The following PTPDC1 variants were observed in gnomAD, a reference collection of about 807,000 sequenced individuals.
PTPDC1 encodes the protein protein tyrosine phosphatase domain containing 1.
Under a neutral mutation model 75.3 loss-of-function variants are expected in PTPDC1, and 53 were observed. The observed-to-expected ratio is 0.70, with a 90% CI of 0.56 to 0.88. The LOEUF (loss-of-function observed/expected upper bound fraction) is 0.88, where lower values mean the gene tolerates loss of function less well. Ranked by LOEUF, PTPDC1 falls within the 40% of genes least tolerant of loss-of-function variation. The pLI, the probability that PTPDC1 is intolerant of heterozygous loss-of-function variation, is 0.00. For missense variants in PTPDC1, 925 were observed against 998.6 expected (o/e 0.93, Z 0.99); for synonymous variants, 349 against 366.2 (o/e 0.95, Z 0.54).
chr9:94,097,847 G>A lies in PTPDC1; in HGVS notation c.1281G>A (p.Trp427Ter), dbSNP rs769481063. The change falls in exon 6 of 9, where the codon TGG becomes TGA. Residue 427 changes from tryptophan to a stop codon, truncating the protein, a stop_gained. Coordinates refer to ENST00000620992, the MANE Select transcript of PTPDC1 (RefSeq NM_001253829.2). LOFTEE classifies it high-confidence loss of function. The part of the protein sequence containing the change: ...FSNEQQFDPL[W>*]KRRNVECLQP... ...ATGAGCAACAGTTTGACCCTCTTTG[G>A]AAAAGGCGGAATGTTGAGTGCCTTC... is the stretch of plus-strand genomic sequence containing the variant. The A allele has an allele frequency of 6.2e-7, 1 of 1,614,168 alleles. No homozygotes were observed. Among genetic ancestry groups the A allele is most frequent in the Admixed American group, 1.7e-5 (1 of 60,024 alleles).
chr9:94,088,200 G>A lies in PTPDC1; in HGVS notation c.553G>A (p.Gly185Arg). Residue 185 changes from glycine (G) to arginine (R), a missense_variant, in exon 4 of 9, where the codon GGG (glycine) becomes AGG (arginine). Physicochemically the swap from Gly to Arg is moderately radical, Grantham distance 125. Transcript: ENST00000620992. The stretch of plus-strand genomic sequence containing the variant: ...GCGCCCTGGTGAGCATGCTAGCTGT[G>A]GGAACCCTCTGGAACAAGAAAGTGG... ...LQRPGEHASCGNPLEQESGFT... is the reference protein window; with the variant it reads ...LQRPGEHASCRNPLEQESGFT... 6.2e-7 allele frequency: 1 copy of A among 1,613,914 alleles called. No individual in the cohort carries two copies. The highest frequency in any genetic ancestry group is 8.5e-7 in the Non-Finnish European group (1 of 1,179,944).
At chr9:94,093,490 C>T (rs1202198871) in intron 4 of PTPDC1, among the ~76,000 whole-genome samples, 5 of 146,724 alleles carry the variant, frequency 3.4e-5, no homozygotes, top group African/African-American at 5.1e-5. Flanking sequence ...GAGGGTAACC[C>T]GACCTTTCTC....
At chr9:94,063,159 C>T (rs569700106) in intron 1 of PTPDC1, among the ~76,000 whole-genome samples, 9 of 152,318 alleles carry the variant, frequency 5.9e-5, no homozygotes, top group Middle Eastern at 3.4e-3. Flanking sequence ...TCATGTGGGA[C>T]AAGGCAGGAC....
intron 1 of PTPDC1, among the ~76,000 whole-genome samples, chr9:94,035,794 A>G (rs1174659748): frequency 6.6e-6 from 1 of 152,172 alleles, no homozygotes; most frequent in Non-Finnish European, 1.5e-5. Context: ...ATACCCACCA[A>G]CAGGACACAA....
At chr9:94,103,042 A>G (rs1827901114) in intron 7 of PTPDC1, among the ~76,000 whole-genome samples, 1 of 151,844 alleles carries the variant, frequency 6.6e-6, no homozygotes, top group African/African-American at 2.4e-5. Context: ...ACGGATGCAC[A>G]TGCAGACATG....
intron 2 of PTPDC1, among the ~76,000 whole-genome samples, chr9:94,076,702 A>G (rs1587875459): frequency 6.6e-6 from 1 of 152,280 alleles, no homozygotes; most frequent in African/African-American, 2.4e-5. Flanking sequence ...TTTACCTAGG[A>G]GGAAAGAACT....
intron 4 of PTPDC1, among the ~76,000 whole-genome samples, chr9:94,090,351 G>T (rs1160312201): frequency 2.7e-5 from 4 of 148,704 alleles, no homozygotes; most frequent in African/African-American, 7.5e-5. Context: ...TTTCCCCATT[G>T]CTTGTTTTTG....
chr9:94,048,544 T>G (rs1438136006), intron 1 of PTPDC1, among the ~76,000 whole-genome samples: 34 of 152,234 alleles, frequency 2.2e-4, no homozygotes, highest in Middle Eastern at 3.4e-3. Flanking sequence ...CTGAGTTCTA[T>G]TTTGATTGCA....
intron 1 of PTPDC1, among the ~76,000 whole-genome samples, chr9:94,048,125 A>G (rs1054213375): frequency 6.6e-6 from 1 of 152,164 alleles, no homozygotes; most frequent in African/African-American, 2.4e-5. Flanking sequence ...CTAGCGGTCT[A>G]TCAATTTTGT....
chr9:94,077,711 A>ATGATTGAC (rs1350653585), intron 2 of PTPDC1, among the ~76,000 whole-genome samples: 1 of 152,166 alleles, frequency 6.6e-6, no homozygotes, highest in Non-Finnish European at 1.5e-5. Flanking sequence ...ATCACATGGC[A>ATGATTGAC]TGATTGACTA....
At chr9:94,037,211 TC>T (rs1165880047) in intron 1 of PTPDC1, among the ~76,000 whole-genome samples, 2 of 152,238 alleles carry the variant, frequency 1.3e-5, no homozygotes, top group East Asian at 3.8e-4. Context: ...TTTCTCCATT[TC>T]CTTGAGTCTT....
intron 1 of PTPDC1, among the ~76,000 whole-genome samples, chr9:94,039,511 G>T (rs983603640): frequency 1.3e-5 from 2 of 152,126 alleles, no homozygotes; most frequent in African/African-American, 4.8e-5. Flanking sequence ...ACCAATAAGG[G>T]TCGGGTGCTG....
At chr9:94,058,143 G>A (rs1791357323) in intron 1 of PTPDC1, among the ~76,000 whole-genome samples, 1 of 152,148 alleles carries the variant, frequency 6.6e-6, no homozygotes, top group South Asian at 2.1e-4. Context: ...GCAGAGAGCA[G>A]AGTTCAGTGT....
rs1389359617 is a variant in PTPDC1 at position 94,098,247 on chromosome 9, A to T, written c.1681A>T (p.Ser561Cys). 1 of 1,614,194 alleles carries T rather than the reference A, an allele frequency of 6.2e-7. No homozygotes were observed. The highest frequency in any genetic ancestry group is 1.7e-5 in the Admixed American group (1 of 60,018). Residue 561 changes from serine (S) to cysteine (C), a missense_variant, in exon 6 of 9, where the codon AGC (serine) becomes TGC (cysteine). Coordinates refer to ENST00000620992, the MANE Select transcript of PTPDC1 (RefSeq NM_001253829.2). ...SHSPGEPVSP[S>C]FANVHKDPNP... ...CAGCCCTGGGGAGCCAGTTTCACCC[A>T]GCTTTGCAAATGTCCATAAGGATCC...
chr9:94,097,180 A>G (rs1421699185), intron 5 of PTPDC1, 141 bp from the exon 6 acceptor site: 1 of 648,084 alleles, frequency 1.5e-6, no homozygotes, highest in Non-Finnish European at 2.6e-6. Context: ...CAAAGTTATC[A>G]TCATAATTGT....
intron 2 of PTPDC1, among the ~76,000 whole-genome samples, chr9:94,065,580 G>C (rs776223985): frequency 2.0e-5 from 3 of 152,192 alleles, no homozygotes; most frequent in Admixed American, 6.5e-5. Flanking sequence ...ACACTTGCTA[G>C]GAACAAGTCA....
chr9:94,064,413 TAAG>T (rs1014115567), intron 1 of PTPDC1, among the ~76,000 whole-genome samples: 1 of 152,250 alleles, frequency 6.6e-6, no homozygotes, highest in Non-Finnish European at 1.5e-5. Context: ...TTTTGACATC[TAAG>T]AAGATTTAAT....
At chr9:94,048,377 T>C (rs942558450) in intron 1 of PTPDC1, among the ~76,000 whole-genome samples, 1 of 152,234 alleles carries the variant, frequency 6.6e-6, no homozygotes, top group African/African-American at 2.4e-5. Context: ...CTGCTTTGAA[T>C]GTGTCCCAGA....
chr9:94,043,527 A>C (rs993813874), intron 1 of PTPDC1, among the ~76,000 whole-genome samples: 2 of 152,150 alleles, frequency 1.3e-5, no homozygotes, highest in Non-Finnish European at 2.9e-5. Context: ...CTCCACACCT[A>C]AATTTCTGAA....
Sources: gnomAD v4.1 joint callset for allele counts (sites outside exome capture counted in the v4.1 genomes callset) on GRCh38, gnomAD v4.1.1 for gene constraint, MANE v1.5 for transcripts, NCBI Gene and HGNC (gene_info 2026-07-23, HGNC 2026-07-21) for gene names.